The following RGS17 variants were observed in gnomAD, a reference collection of about 807,000 sequenced individuals.
RGS17 encodes the protein regulator of G-protein signaling 17.
In RGS17, 12 loss-of-function variants were observed where a neutral mutation model predicts 25.5. That is an observed-to-expected ratio of 0.47 (90% CI 0.30 to 0.76). The LOEUF (loss-of-function observed/expected upper bound fraction) is 0.76. RGS17 is among the 30% of genes least tolerant of loss of function. The pLI is 0.07. For synonymous variants in RGS17, 71 were observed against 76.9 expected, an observed-to-expected ratio of 0.92 and a Z score of 0.40; for missense variants, 196 against 242.2, an observed-to-expected ratio of 0.81 and a Z score of 1.27.
intron 1 of RGS17, among the ~76,000 whole-genome samples, chr6:153,098,672 G>C (rs1185799714): frequency 6.6e-6 from 1 of 152,134 alleles, no homozygotes; most frequent in African/African-American, 2.4e-5. Context: ...AGTAAACAGG[G>C]TTTAATCAAT....
rs1430030652 is a variant in RGS17 at position 153,005,594 on chromosome 6, G to C, written c.*5980C>G. On this transcript the variant is annotated 3_prime_UTR_variant, in exon 5 of 5. Transcript: ENST00000206262. ...AGTCCCGGTGATGGCATATACCTTT[G>C]ATACCATGTGATGAGCATGGCACTT... 1 of 152,170 alleles carries C rather than the reference G, an allele frequency of 6.6e-6. No individual in the cohort carries two copies. Among genetic ancestry groups the C allele is most frequent in the Non-Finnish European group, 1.5e-5 (1 of 68,046 alleles). The allele number at this position is 152,170 out of a possible 1,614,324, so 9.4% of individuals were successfully genotyped here. A position where few individuals can be genotyped will look rare whatever the true frequency, so the allele number is the denominator to read the frequency against.
intron 1 of RGS17, among the ~76,000 whole-genome samples, chr6:153,050,085 T>G (rs1414578596): frequency 6.6e-6 from 1 of 152,180 alleles, no homozygotes; most frequent in Non-Finnish European, 1.5e-5. Context: ...TTGAGATATT[T>G]GCACTTACAT....
intron 1 of RGS17, among the ~76,000 whole-genome samples, chr6:153,055,140 T>C (rs1305220436): frequency 6.6e-6 from 1 of 152,052 alleles, no homozygotes; most frequent in Non-Finnish European, 1.5e-5. Flanking sequence ...GCACGGAAAA[T>C]TGCTGCATGC....
intron 2 of RGS17, among the ~76,000 whole-genome samples, chr6:153,034,720 C>T (rs1024492604): frequency 3.3e-5 from 5 of 152,066 alleles, no homozygotes; most frequent in Non-Finnish European, 7.4e-5. Flanking sequence ...GTCAGCTTTC[C>T]GAGGAAGACA....
intron 2 of RGS17, among the ~76,000 whole-genome samples, chr6:153,030,041 T>G (rs1338094098): frequency 6.6e-6 from 1 of 152,190 alleles, no homozygotes; most frequent in Non-Finnish European, 1.5e-5. Flanking sequence ...CCTTAAATAC[T>G]TTATGGAAGA....
chr6:153,090,628 A>C (rs1349067743), intron 1 of RGS17, among the ~76,000 whole-genome samples: 1 of 151,506 alleles, frequency 6.6e-6, no homozygotes, highest in African/African-American at 2.4e-5. Context: ...CCTTGTCACA[A>C]AAAAAAAGGA....
chr6:153,094,051 G>A (rs548309229), intron 1 of RGS17, among the ~76,000 whole-genome samples: 21 of 151,672 alleles, frequency 1.4e-4, no homozygotes, highest in African/African-American at 3.9e-4. Flanking sequence ...TATGTACTAT[G>A]CCTAAATATA....
intron 1 of RGS17, among the ~76,000 whole-genome samples, chr6:153,074,555 T>C (rs1355319117): frequency 6.6e-6 from 1 of 152,222 alleles, no homozygotes; most frequent in Non-Finnish European, 1.5e-5. Flanking sequence ...TTAATTACCA[T>C]GTTGATACAA....
At chr6:153,108,442 AGGCATTCATTCCT>A in intron 1 of RGS17, among the ~76,000 whole-genome samples, 1 of 152,238 alleles carries the variant, frequency 6.6e-6, no homozygotes, top group Non-Finnish European at 1.5e-5. Context: ...AAGATGAAAC[AGGCATTCATTCCT>A]GGGAAATTCC....
chr6:153,075,449 G>A (rs1029904714), intron 1 of RGS17, among the ~76,000 whole-genome samples: 4 of 152,144 alleles, frequency 2.6e-5, no homozygotes, highest in Non-Finnish European at 5.9e-5. Flanking sequence ...CCTCTACCCT[G>A]TCTGATGTGG....
chr6:153,130,723 G>C lies in RGS17; in HGVS notation c.-26+401C>G, dbSNP rs1777776660. ...AACCCGCAACACCTCGCGTCCCCGCGGGGTCTCCCGCGCCCCTGGCCCGGC... is the reference window on the plus strand; with the variant it reads ...AACCCGCAACACCTCGCGTCCCCGCCGGGTCTCCCGCGCCCCTGGCCCGGC... On this transcript the variant is annotated intron_variant, in intron 1 of 4. Transcript: ENST00000206262. The surrounding 1 kb of genome is among the most constrained non-coding windows in gnomAD (Gnocchi z 6.4). 6.6e-6 allele frequency among the ~76,000 whole-genome samples: 1 copy of C among 152,076 alleles called. No homozygotes were observed.
chr6:153,117,253 G>C (rs1461331773), intron 1 of RGS17, among the ~76,000 whole-genome samples: 1 of 152,084 alleles, frequency 6.6e-6, no homozygotes, highest in Non-Finnish European at 1.5e-5. Context: ...AGAAGAATGA[G>C]AGTGAAAGGG....
intron 1 of RGS17, among the ~76,000 whole-genome samples, chr6:153,127,537 C>T (rs934921810): frequency 5.3e-5 from 8 of 152,124 alleles, no homozygotes; most frequent in African/African-American, 1.9e-4. Flanking sequence ...AGTAACTTGC[C>T]TACAGCAATA....
intron 2 of RGS17, among the ~76,000 whole-genome samples, chr6:153,037,863 A>G (rs1776270748): frequency 6.6e-6 from 1 of 152,072 alleles, no homozygotes; most frequent in South Asian, 2.1e-4. Context: ...TAACCTAAAA[A>G]ACAACAACAT....
At chr6:153,014,546 C>T (rs1400587156) in intron 4 of RGS17, among the ~76,000 whole-genome samples, 7 of 151,436 alleles carry the variant, frequency 4.6e-5, no homozygotes, top group Admixed American at 4.6e-4. Context: ...CGCCTGTAAT[C>T]CCAGCACTTT....
chr6:153,020,797 T>A (rs1438553631), intron 4 of RGS17, among the ~76,000 whole-genome samples: 1 of 152,166 alleles, frequency 6.6e-6, no homozygotes, highest in Non-Finnish European at 1.5e-5. Flanking sequence ...GCATAGAATT[T>A]CAGAGGTAGA....
At chr6:153,054,791 T>A (rs1475321086) in intron 1 of RGS17, among the ~76,000 whole-genome samples, 1 of 152,148 alleles carries the variant, frequency 6.6e-6, no homozygotes, top group Non-Finnish European at 1.5e-5. Context: ...GAAGTAATTG[T>A]GTATGTTGTC....
At chr6:153,020,126 ATATATATATATAT>A (rs1562312995) in intron 4 of RGS17, among the ~76,000 whole-genome samples, 19 of 93,526 alleles carry the variant, frequency 2.0e-4, no homozygotes, top group African/African-American at 8.0e-4. Context: ...ATATATATAT[ATATATATATATAT>A]TTTTTTTTTT....
chr6:153,031,697 T>A (rs1173464070), intron 2 of RGS17, among the ~76,000 whole-genome samples: 1 of 152,172 alleles, frequency 6.6e-6, no homozygotes, highest in African/African-American at 2.4e-5. Context: ...ATTGCAAGTG[T>A]TTACACAAGT....
Sources: allele counts gnomAD v4.1 joint callset (sites outside exome capture counted in the v4.1 genomes callset), GRCh38; gene constraint gnomAD v4.1.1; non-coding constraint Gnocchi (gnomAD v3.1); transcripts MANE v1.5; gene names NCBI Gene and HGNC (gene_info 2026-07-23, HGNC 2026-07-21).